Variants in CDH13 observed in about 807,000 individuals in gnomAD.
CDH13 encodes cadherin 13.
A neutral mutation model predicts 63.8 loss-of-function variants in CDH13; 24 were observed. That is an observed-to-expected ratio of 0.38 (90% CI 0.27 to 0.53). CDH13 has a LOEUF of 0.53. Ranked by LOEUF, CDH13 falls within the 20% of genes least tolerant of loss-of-function variation. The pLI is 0.85. For synonymous variants in CDH13, 503 were observed against 355.3 expected (o/e 1.42, Z -4.67); for missense variants, 1,049 against 903.1 (o/e 1.16, Z -2.07).
chr16:83,395,102 C>T (rs542116852), intron 6 of CDH13, among the ~76,000 whole-genome samples: 3 of 143,634 alleles, frequency 2.1e-5, no homozygotes, highest in Admixed American at 1.5e-4. Context: ...GAGCCAAGAT[C>T]GTGCCATTGC....
chr16:82,701,936 G>A (rs1442045761), intron 1 of CDH13, among the ~76,000 whole-genome samples: 1 of 152,144 alleles, frequency 6.6e-6, no homozygotes, highest in Non-Finnish European at 1.5e-5. Context: ...ATGGGTGGGT[G>A]CAGTTTCCCC....
chr16:83,785,172 G>T (rs1465328283), intron 13 of CDH13, among the ~76,000 whole-genome samples: 1 of 152,136 alleles, frequency 6.6e-6, no homozygotes, highest in Admixed American at 6.6e-5. Flanking sequence ...TAGTCCATTC[G>T]GGCTACTATA....
chr16:82,834,111 A>T (rs955235517), intron 1 of CDH13, among the ~76,000 whole-genome samples: 2 of 152,180 alleles, frequency 1.3e-5, no homozygotes, highest in African/African-American at 4.8e-5. Context: ...TTTTTATATT[A>T]ATAACCCTCA....
chr16:83,053,719 G>A (rs2030626399), intron 3 of CDH13, among the ~76,000 whole-genome samples: 1 of 152,092 alleles, frequency 6.6e-6, no homozygotes, highest in Non-Finnish European at 1.5e-5. Context: ...GAGAAGTATC[G>A]CTACAGATAA....
At chr16:83,416,420 C>G (rs892587495) in intron 6 of CDH13, among the ~76,000 whole-genome samples, 1 of 152,154 alleles carries the variant, frequency 6.6e-6, no homozygotes, top group African/African-American at 2.4e-5. Flanking sequence ...ACTCTCATGA[C>G]CCTGTCCTCA....
At chr16:83,604,347 A>G (rs1274224293) in intron 8 of CDH13, among the ~76,000 whole-genome samples, 2 of 152,172 alleles carry the variant, frequency 1.3e-5, no homozygotes, top group Non-Finnish European at 2.9e-5. Context: ...CTGGCATTTC[A>G]AGAACACCAG....
intron 2 of CDH13, among the ~76,000 whole-genome samples, chr16:82,944,237 G>A (rs1442379968): frequency 6.6e-6 from 1 of 152,182 alleles, no homozygotes; most frequent in African/African-American, 2.4e-5. Context: ...TTCCATTCAT[G>A]GGATTTGGTT....
chr16:83,179,679 C>T (rs2038270648), intron 4 of CDH13, among the ~76,000 whole-genome samples: 1 of 151,392 alleles, frequency 6.6e-6, no homozygotes, highest in Non-Finnish European at 1.5e-5. Flanking sequence ...AGGGAGCCTC[C>T]CTAGAGAGGT....
At chr16:82,639,014 A>G (rs1350451495) in intron 1 of CDH13, among the ~76,000 whole-genome samples, 1 of 152,112 alleles carries the variant, frequency 6.6e-6, no homozygotes, top group Admixed American at 6.5e-5. Context: ...TGAGTGGTGG[A>G]GTCATTTGCT....
chr16:82,710,552 A>AAAAAAATATATATATATATATAT (rs60196638), intron 1 of CDH13, among the ~76,000 whole-genome samples: 1 of 63,768 alleles, frequency 1.6e-5, no homozygotes, highest in Non-Finnish European at 3.0e-5. Flanking sequence ...AAAAAAAAAA[A>AAAAAAATATATATATATATATAT]ATATATATAT....
chr16:83,532,650 C>T (rs188537332), intron 7 of CDH13, among the ~76,000 whole-genome samples: 1 of 152,236 alleles, frequency 6.6e-6, no homozygotes, highest in Non-Finnish European at 1.5e-5. Context: ...ATGTCAGTTT[C>T]TTCCTCTGCA....
chr16:83,259,290 T>A (rs535873539), intron 5 of CDH13, among the ~76,000 whole-genome samples: 1 of 152,312 alleles, frequency 6.6e-6, no homozygotes, highest in Admixed American at 6.5e-5. Flanking sequence ...CATTGAATGC[T>A]TCTCAGCATG....
chr16:83,701,662 AC>A (rs1906249317), intron 10 of CDH13, among the ~76,000 whole-genome samples: 1 of 151,690 alleles, frequency 6.6e-6, no homozygotes. Context: ...CCACCCAACA[AC>A]CCCTGCGCCC....
intron 5 of CDH13, among the ~76,000 whole-genome samples, chr16:83,281,965 G>C (rs1297270749): frequency 6.6e-6 from 1 of 152,082 alleles, no homozygotes; most frequent in Non-Finnish European, 1.5e-5. Flanking sequence ...TGTAGCTTTT[G>C]ATTTAAAGTG....
At chr16:83,252,450 C>T (rs531548080) in intron 5 of CDH13, among the ~76,000 whole-genome samples, 80 of 152,086 alleles carry the variant, frequency 5.3e-4, no homozygotes, top group African/African-American at 1.9e-3. Context: ...GACCTTAAAA[C>T]CATTATATCT....
intron 6 of CDH13, among the ~76,000 whole-genome samples, chr16:83,421,446 C>G (rs968335667): frequency 5.3e-5 from 8 of 152,152 alleles, no homozygotes; most frequent in Non-Finnish European, 1.2e-4. Flanking sequence ...AATTAATTAT[C>G]CTCTGCATGT....
chr16:82,952,294 C>T (rs1009786169), intron 2 of CDH13, among the ~76,000 whole-genome samples: 20 of 152,090 alleles, frequency 1.3e-4, no homozygotes, highest in African/African-American at 4.6e-4. Flanking sequence ...CCTGCTAGCC[C>T]GAGTTTTCAA....
intron 8 of CDH13, among the ~76,000 whole-genome samples, chr16:83,653,567 A>T (rs891725114): frequency 3.3e-5 from 5 of 152,186 alleles, no homozygotes; most frequent in African/African-American, 1.2e-4. Flanking sequence ...CAGGAATTGT[A>T]GCTTACTTTT....
chr16:83,434,138 T>C (rs780340280), intron 6 of CDH13, among the ~76,000 whole-genome samples: 6 of 152,222 alleles, frequency 3.9e-5, no homozygotes, highest in Non-Finnish European at 7.3e-5. Flanking sequence ...CAGTCTTCTA[T>C]GTACCTAAGC....
Sources: gnomAD v4.1 joint callset for allele counts (sites outside exome capture counted in the v4.1 genomes callset) on GRCh38, gnomAD v4.1.1 for gene constraint, MANE v1.5 for transcripts, NCBI Gene and HGNC (gene_info 2026-07-23, HGNC 2026-07-21) for gene names.